Variants in ATP10B observed in about 807,000 individuals in gnomAD.
ATP10B encodes the protein phospholipid-transporting ATPase VB.
In ATP10B, 122 loss-of-function variants were observed where a neutral mutation model predicts 141.2. The observed-to-expected ratio is 0.86, with a 90% CI of 0.75 to 1.00. The LOEUF (loss-of-function observed/expected upper bound fraction) is 1.00, where lower values mean the gene tolerates loss of function less well. Among genes scored for constraint, ATP10B ranks in the 50% least tolerant of loss-of-function variants. ATP10B has a pLI of 0.00. For synonymous variants in ATP10B, 685 were observed against 692.0 expected, an observed-to-expected ratio of 0.99 and a Z score of 0.16; for missense variants, 1,876 against 1,825.3, an observed-to-expected ratio of 1.03 and a Z score of -0.51.
intron 1 of ATP10B, among the ~76,000 whole-genome samples, chr5:160,787,494 C>A (rs565943474): frequency 1.3e-5 from 2 of 152,316 alleles, no homozygotes; most frequent in African/African-American, 4.8e-5. Flanking sequence ...GCTAGGTTTC[C>A]ATCTTAGCCT....
At chr5:160,824,045 G>A (rs543997710) in intron 1 of ATP10B, among the ~76,000 whole-genome samples, 40 of 151,670 alleles carry the variant, frequency 2.6e-4, no homozygotes, top group African/African-American at 8.7e-4. Flanking sequence ...TTTTTGAGAC[G>A]GAGTCTGGCT....
chr5:160,746,158 C>T (rs1370877098), intron 2 of ATP10B, among the ~76,000 whole-genome samples: 1 of 152,204 alleles, frequency 6.6e-6, no homozygotes, highest in Non-Finnish European at 1.5e-5. Flanking sequence ...TTTGTCTCCA[C>T]TCTACTGCTG....
At chr5:160,806,973 A>G (rs1297269123) in intron 1 of ATP10B, among the ~76,000 whole-genome samples, 1 of 152,160 alleles carries the variant, frequency 6.6e-6, no homozygotes, top group Admixed American at 6.5e-5. Context: ...AATTAGCCTC[A>G]TTTTCAAGAA....
chr5:160,881,425 C>A, the ATP10B span, among the ~76,000 whole-genome samples: 3 of 152,218 alleles, frequency 2.0e-5, no homozygotes, highest in Non-Finnish European at 4.4e-5. Flanking sequence ...TATAATCCAA[C>A]AATTGTGCTT....
At chr5:160,873,973 T>A in the ATP10B span, among the ~76,000 whole-genome samples, 3 of 152,362 alleles carry the variant, frequency 2.0e-5, no homozygotes, top group African/African-American at 7.2e-5. Flanking sequence ...CGCCTGCCAT[T>A]GCCCAGGCTT....
At chr5:160,894,236 G>T in the ATP10B span, among the ~76,000 whole-genome samples, 1 of 151,952 alleles carries the variant, frequency 6.6e-6, no homozygotes, top group Admixed American at 6.6e-5. Flanking sequence ...TTCAGAAGGT[G>T]GGTAATAACA....
At chr5:160,657,007 C>G (rs937130829) in intron 7 of ATP10B, among the ~76,000 whole-genome samples, 1 of 152,086 alleles carries the variant, frequency 6.6e-6, no homozygotes, top group African/African-American at 2.4e-5. Flanking sequence ...CCAAGGAGAG[C>G]CACCACAACC....
chr5:160,741,252 C>T (rs983911776), intron 2 of ATP10B, among the ~76,000 whole-genome samples: 6 of 152,148 alleles, frequency 3.9e-5, no homozygotes, highest in African/African-American at 1.4e-4. Flanking sequence ...TGAAGAAATG[C>T]TTCAGTAAAG....
chr5:160,902,462 T>C, the ATP10B span, among the ~76,000 whole-genome samples: 18 of 151,942 alleles, frequency 1.2e-4, 1 homozygote, highest in Admixed American at 2.6e-4. Flanking sequence ...ACATGAGAGA[T>C]TTTGGCAAAT....
the ATP10B span, among the ~76,000 whole-genome samples, chr5:160,862,748 A>G: frequency 0.11 from 17,296 of 151,982 alleles, 1,173 homozygotes; most frequent in East Asian, 0.18. Flanking sequence ...TCCTTTATCA[A>G]TCTTTATTCT....
At chr5:160,925,138 T>A in the ATP10B span, among the ~76,000 whole-genome samples, 1 of 152,226 alleles carries the variant, frequency 6.6e-6, no homozygotes, top group Non-Finnish European at 1.5e-5. Context: ...GAAAGTTTAC[T>A]AAAATATGAC....
chr5:160,686,135 G>A lies in ATP10B; in HGVS notation c.414C>T (p.Phe138=). 1 of 1,610,838 alleles carries A rather than the reference G, an allele frequency of 6.2e-7. No homozygotes were observed. Among genetic ancestry groups the A allele is most frequent in the Non-Finnish European group, 8.5e-7 (1 of 1,178,190 alleles). ...VIMIKDGMED[F]KRHRFDKAIN... The stretch of plus-strand genomic sequence containing the variant: ...TTGCTTTATCAAAGCGGTGTCTCTT[G>A]AAGTCCTCCATGCCATCCTTGATCA... The change falls in exon 6 of 26, where the codon TTC becomes TTT. Residue 138 remains phenylalanine (F), a synonymous_variant. Transcript: ENST00000327245.
chr5:160,629,307 A>G (rs1486986325), intron 13 of ATP10B, among the ~76,000 whole-genome samples: 2 of 152,060 alleles, frequency 1.3e-5, no homozygotes, highest in African/African-American at 2.4e-5. Context: ...AGCTAGATGT[A>G]TTTGATGGGT....
chr5:160,668,943 T>G (rs1762492624), intron 7 of ATP10B, among the ~76,000 whole-genome samples: 1 of 152,202 alleles, frequency 6.6e-6, no homozygotes, highest in African/African-American at 2.4e-5. Flanking sequence ...TGACCCTTGC[T>G]CCTAGAACTT....
the ATP10B span, among the ~76,000 whole-genome samples, chr5:160,872,996 C>A: frequency 1.3e-5 from 2 of 152,070 alleles, no homozygotes; most frequent in Non-Finnish European, 2.9e-5. Flanking sequence ...TGGTTCTACC[C>A]ATCCATGAGC....
intron 2 of ATP10B, among the ~76,000 whole-genome samples, chr5:160,775,740 G>A (rs1252428742): frequency 1.4e-5 from 2 of 147,552 alleles, no homozygotes; most frequent in Non-Finnish European, 3.0e-5. Context: ...GAGTGCAGTG[G>A]CGCGATCTCG....
At chr5:160,762,646 A>G (rs574357838) in intron 2 of ATP10B, among the ~76,000 whole-genome samples, 1 of 150,542 alleles carries the variant, frequency 6.6e-6, no homozygotes, top group East Asian at 1.9e-4. Flanking sequence ...AAACAATGAC[A>G]TAATGAAAAA....
chr5:160,572,692 A>T (rs1754948022), intron 24 of ATP10B, among the ~76,000 whole-genome samples: 1 of 152,248 alleles, frequency 6.6e-6, no homozygotes, highest in African/African-American at 2.4e-5. Flanking sequence ...GAATGGTTTT[A>T]AAAAATCTAA....
chr5:160,617,769 A>G, intron 16 of ATP10B, 95 bp downstream of exon 16: 1 of 1,057,844 alleles, frequency 9.5e-7, no homozygotes, highest in Admixed American at 2.2e-5. Flanking sequence ...TAAAACAACC[A>G]CCTCTAAGGG....
Sources: gnomAD v4.1 joint callset for allele counts (sites outside exome capture counted in the v4.1 genomes callset) on GRCh38, gnomAD v4.1.1 for gene constraint, MANE v1.5 for transcripts, NCBI Gene and HGNC (gene_info 2026-07-23, HGNC 2026-07-21) for gene names.